Variants in RPL11 observed in about 807,000 individuals in gnomAD.
RPL11 encodes large ribosomal subunit protein uL5.
Under a neutral mutation model 24.1 loss-of-function variants are expected in RPL11, and 3 were observed. The observed-to-expected ratio is 0.12, with a 90% CI of 0.06 to 0.32. The LOEUF (loss-of-function observed/expected upper bound fraction) is 0.32. Among genes scored for constraint, RPL11 ranks in the 10% least tolerant of loss-of-function variants. The pLI, the probability that RPL11 is intolerant of heterozygous loss-of-function variation, is 1.00. For synonymous variants in RPL11, 96 were observed against 75.7 expected (o/e 1.27, Z -1.39); for missense variants, 146 against 225.7 (o/e 0.65, Z 2.26).
At chr1:23,693,783 C>CT in intron 2 of RPL11, 24 bp from the exon 3 acceptor site, 1 of 1,569,452 alleles carries the variant, frequency 6.4e-7, no homozygotes, top group Non-Finnish European at 8.8e-7. Context: ...TGGCATCTGA[C>CT]TCCTTGTTAC....
chr1:23,693,838 G>A lies in RPL11; in HGVS notation c.189G>A (p.Arg63=), dbSNP rs764531667. The part of the protein sequence containing the change: ...ARYTVRSFGI[R]RNEKIAVHCT... The stretch of plus-strand genomic sequence containing the variant: ...ACACTGTCAGATCCTTTGGCATCCG[G>A]AGAAATGAAAAGATTGCTGTCCACT... The change falls in exon 3 of 6, where the codon CGG becomes CGA. Residue 63 remains arginine, a synonymous_variant. Transcript: ENST00000643754. 2 of 1,614,116 alleles carry A rather than the reference G, an allele frequency of 1.2e-6. No individual in the cohort carries two copies. The highest frequency in any genetic ancestry group is 1.7e-5 in the Admixed American group (1 of 60,012).
At chr1:23,691,939 G>A (rs955329006) in intron 1 of RPL11, 110 bp downstream of exon 1, 7 of 1,399,264 alleles carry the variant, frequency 5.0e-6, no homozygotes, top group South Asian at 3.5e-5. Flanking sequence ...AGCCCGCAAT[G>A]CCTGCTGGCC....
At chr1:23,694,038 C>T (rs1644518620) in intron 3 of RPL11, 125 bp downstream of exon 3, 1 of 784,216 alleles carries the variant, frequency 1.3e-6, no homozygotes, top group East Asian at 2.8e-5. Context: ...TTCTAAAAGG[C>T]TTTTTCTACA....
At position 23,692,640 on chromosome 1, in the gene RPL11, G is replaced by A; in HGVS notation, c.38G>A (p.Arg13Gln). The A allele has an allele frequency of 6.2e-7, 1 of 1,614,112 alleles. No individual in the cohort carries two copies. The highest frequency in any genetic ancestry group is 8.5e-7 in the Non-Finnish European group (1 of 1,180,032). Residue 13 changes from arginine to glutamine, a missense_variant, in exon 2 of 6, where the codon CGG becomes CAG. Physicochemically the swap from Arg to Gln is conservative, Grantham distance 43. Coordinates refer to ENST00000643754, the MANE Select transcript of RPL11 (RefSeq NM_000975.5). ...CAAGGTGAAAAGGAGAACCCCATGCGGGAACTTCGCATCCGCAAACTCTGT... is the reference window on the plus strand; with the variant it reads ...CAAGGTGAAAAGGAGAACCCCATGCAGGAACTTCGCATCCGCAAACTCTGT... Reference protein sequence around the residue: ...QDQGEKENPMRELRIRKLCLN... With the variant: ...QDQGEKENPMQELRIRKLCLN...
At chr1:23,692,040 C>G (rs1205067148) in intron 1 of RPL11, 5 of 672,828 alleles carry the variant, frequency 7.4e-6, no homozygotes, top group African/African-American at 1.8e-5. Context: ...CGGGCACTTG[C>G]CCGGAGTGCT....
At position 23,696,539 on chromosome 1, in the gene RPL11, T is replaced by C; in HGVS notation, c.*166T>C. The C allele has an allele frequency of 1.4e-6, 1 of 697,122 alleles. No homozygotes were observed. Among genetic ancestry groups the C allele is most frequent in the African/African-American group, 1.8e-5 (1 of 56,626 alleles). 43.2% of individuals were successfully genotyped at this position (697,122 alleles called of 1,614,324 possible). On this transcript the variant is annotated 3_prime_UTR_variant, in exon 6 of 6. Transcript: ENST00000643754. ...ACAACCCCGTCATCCTCTGATTGGA[T>C]GCCAGTATTTCCTGGCAGATCCAAG...
intron 1 of RPL11, 136 bp downstream of exon 1, chr1:23,691,965 C>T (rs1044789040): frequency 1.7e-6 from 2 of 1,175,078 alleles, no homozygotes; most frequent in Non-Finnish European, 2.6e-6. Context: ...CTAGCAGAGC[C>T]GTTCGAGCCA....
chr1:23,695,642 T>C (rs1408680960), intron 4 of RPL11, 156 bp from the exon 5 acceptor site: 1 of 727,512 alleles, frequency 1.4e-6, no homozygotes, highest in African/African-American at 1.7e-5. Flanking sequence ...CGTGGGATGC[T>C]GGTGGCAGCT....
chr1:23,694,879 G>T, intron 4 of RPL11, 88 bp downstream of exon 4: 1 of 1,586,572 alleles, frequency 6.3e-7, no homozygotes, highest in South Asian at 1.1e-5. Context: ...TTCACATGTT[G>T]AGTTGCAGCT....
chr1:23,695,292 T>G (rs1451488858), intron 4 of RPL11: 1 of 279,060 alleles, frequency 3.6e-6, no homozygotes, highest in Non-Finnish European at 6.9e-6. Flanking sequence ...AAATCAGAAG[T>G]CCTGACTAGT....
Position 23,696,530 on chromosome 1 carries a change from C to G in RPL11, c.*157C>G, listed in dbSNP as rs1644533742. 7.0e-6 allele frequency: 5 copies of G among 716,468 alleles called. No homozygotes were observed. The highest frequency in any genetic ancestry group is 6.2e-5 in the South Asian group (4 of 64,398). 44.4% of individuals were successfully genotyped at this position (716,468 alleles called of 1,614,324 possible). ...TAGCTGGTAACAACCCCGTCATCCT[C>G]TGATTGGATGCCAGTATTTCCTGGC... On this transcript the variant is annotated 3_prime_UTR_variant, in exon 6 of 6. Transcript: ENST00000643754.
Position 23,695,781 on chromosome 1 carries a change from G to A in RPL11, c.397-17G>A, listed in dbSNP as rs760931298. 6.4e-7 allele frequency: 1 copy of A among 1,570,926 alleles called. No individual in the cohort carries two copies. The highest frequency in any genetic ancestry group is 1.3e-5 in the African/African-American group (1 of 74,088). On this transcript the variant is annotated splice_polypyrimidine_tract_variant and intron_variant, in intron 4 of 5. Transcript: ENST00000643754. ...ACTCTGAGCTGGCTAGGTGACTGTT[G>A]GTTATTCCTGGGACAGGTGCTGGGT...
chr1:23,694,835 G>C, intron 4 of RPL11, 44 bp downstream of exon 4: 2 of 1,613,762 alleles, frequency 1.2e-6, no homozygotes, highest in South Asian at 2.2e-5. Flanking sequence ...TGTGAGGAGA[G>C]GGGAATCTTT....
chr1:23,693,682 A>G (rs1644515716), intron 2 of RPL11, 125 bp from the exon 3 acceptor site: 2 of 718,632 alleles, frequency 2.8e-6, no homozygotes, highest in South Asian at 3.0e-5. Context: ...TTAGAACACC[A>G]CAACTTAAAA....
intron 1 of RPL11, 99 bp downstream of exon 1, chr1:23,691,928 G>C (rs1475025164): frequency 2.6e-6 from 4 of 1,531,028 alleles, no homozygotes; most frequent in Non-Finnish European, 2.7e-6. Flanking sequence ...GAGGAATATG[G>C]AGCCCGCAAT....
chr1:23,692,541 G>T, intron 1 of RPL11, 68 bp from the exon 2 acceptor site: 1 of 1,593,032 alleles, frequency 6.3e-7, no homozygotes, highest in Non-Finnish European at 8.6e-7. Context: ...ATGCTGTGCA[G>T]ATAGAAAGTA....
intron 4 of RPL11, 151 bp from the exon 5 acceptor site, chr1:23,695,647 G>A: frequency 2.7e-6 from 2 of 749,494 alleles, no homozygotes; most frequent in Non-Finnish European, 4.6e-6. Context: ...GATGCTGGTG[G>A]CAGCTTTGTC....
intron 4 of RPL11, 108 bp from the exon 5 acceptor site, chr1:23,695,690 A>G (rs1644528997): frequency 9.7e-7 from 1 of 1,026,384 alleles, no homozygotes; most frequent in African/African-American, 1.6e-5. Flanking sequence ...TCCAGAATCC[A>G]TTGGGCTGCC....
chr1:23,696,584 A>G lies in RPL11; in HGVS notation c.*211A>G, dbSNP rs1570569544. The G allele has an allele frequency of 1.1e-5, 7 of 625,362 alleles. No individual in the cohort carries two copies. Among genetic ancestry groups the G allele is most frequent in the East Asian group, 5.6e-5 (2 of 35,944 alleles). 38.7% of individuals were successfully genotyped at this position (625,362 alleles called of 1,614,324 possible). ...TCCAAGTCCAAGCTTCATAGCATTC[A>G]TTGCCTGTGCTTGCCACACCTTGGT... On this transcript the variant is annotated 3_prime_UTR_variant, in exon 6 of 6. Coordinates refer to ENST00000643754, the MANE Select transcript of RPL11 (RefSeq NM_000975.5).
Sources: allele counts gnomAD v4.1 joint callset, GRCh38; gene constraint gnomAD v4.1.1; transcripts MANE v1.5; gene names NCBI Gene and HGNC (gene_info 2026-07-23, HGNC 2026-07-21).